The following FTCDNL1 variants were observed in gnomAD, a reference collection of about 807,000 sequenced individuals.
FTCDNL1 encodes formiminotransferase cyclodeaminase N-terminal like.
FTCDNL1 carries 11 observed loss-of-function variants against 5.9 expected under a neutral mutation model. That is an observed-to-expected ratio of 1.87 (90% CI 1.18 to 3.10). FTCDNL1 has a LOEUF of 3.10. Ranked by LOEUF, FTCDNL1 falls within the 30% of genes most tolerant of loss-of-function variation. The pLI, the probability that FTCDNL1 is intolerant of heterozygous loss-of-function variation, is 0.00. For synonymous variants in FTCDNL1, 58 were observed against 24.8 expected, an observed-to-expected ratio of 2.34 and a Z score of -3.99; for missense variants, 115 against 65.5, an observed-to-expected ratio of 1.76 and a Z score of -2.61.
chr2:199,699,008 A>T, the FTCDNL1 span, among the ~76,000 whole-genome samples: 1 of 152,232 alleles, frequency 6.6e-6, no homozygotes, highest in African/African-American at 2.4e-5. Flanking sequence ...CACAAACTAG[A>T]ATACCTAGAA....
intron 3 of FTCDNL1, among the ~76,000 whole-genome samples, chr2:199,803,382 T>A (rs114134904): frequency 4.0e-5 from 6 of 151,870 alleles, no homozygotes; most frequent in Non-Finnish European, 7.4e-5. Flanking sequence ...AAACTAGAGG[T>A]GAAGGCCCAT....
At chr2:199,732,362 G>A in the FTCDNL1 span, among the ~76,000 whole-genome samples, 23 of 152,224 alleles carry the variant, frequency 1.5e-4, 1 homozygote, top group South Asian at 6.2e-4. Flanking sequence ...GGAACTCCCC[G>A]GTTTGTTCAA....
At chr2:199,800,186 C>A (rs772751941) in intron 3 of FTCDNL1, among the ~76,000 whole-genome samples, 3 of 152,126 alleles carry the variant, frequency 2.0e-5, no homozygotes, top group Non-Finnish European at 4.4e-5. Flanking sequence ...ACTCTAGGAA[C>A]TGGAGAGCAA....
intron 3 of FTCDNL1, among the ~76,000 whole-genome samples, chr2:199,843,697 C>T (rs1195626806): frequency 6.6e-6 from 1 of 152,174 alleles, no homozygotes; most frequent in Non-Finnish European, 1.5e-5. Flanking sequence ...TGAGGTCATA[C>T]AGAAAAGAAT....
rs141731852 is a variant in FTCDNL1 at position 199,834,843 on chromosome 2, A to G, written c.211+11232T>C. Among the ~76,000 whole-genome samples, 157 of 152,272 alleles carry G rather than the reference A, an allele frequency of 1.0e-3. 1 individual carries two copies. Among genetic ancestry groups the G allele is most frequent in the African/African-American group, 3.8e-3 (157 of 41,560 alleles). ...CTAATTTCGTTGCTACGTTATATAAACTTTGTGCAATGCTTTCCCAAAGCC... is the reference window on the plus strand; with the variant it reads ...CTAATTTCGTTGCTACGTTATATAAGCTTTGTGCAATGCTTTCCCAAAGCC... On this transcript the variant is annotated intron_variant, in intron 3 of 4. Coordinates refer to ENST00000420128, the MANE Select transcript of FTCDNL1 (RefSeq NM_001363886.2).
At chr2:199,824,834 T>A (rs1308285607) in intron 3 of FTCDNL1, among the ~76,000 whole-genome samples, 1 of 152,110 alleles carries the variant, frequency 6.6e-6, no homozygotes, top group African/African-American at 2.4e-5. Context: ...TGATCGCAGA[T>A]CACCATAAGA....
chr2:199,823,023 G>A (rs1235126289), intron 3 of FTCDNL1, among the ~76,000 whole-genome samples: 1 of 151,996 alleles, frequency 6.6e-6, no homozygotes, highest in Non-Finnish European at 1.5e-5. Context: ...GCTAATTTTT[G>A]TATTTTTAGC....
chr2:199,752,525 C>T, the FTCDNL1 span, among the ~76,000 whole-genome samples: 1 of 152,128 alleles, frequency 6.6e-6, no homozygotes, highest in Non-Finnish European at 1.5e-5. Flanking sequence ...AGTCAAAGGC[C>T]TGAATAGAAC....
chr2:199,711,994 T>G, the FTCDNL1 span, among the ~76,000 whole-genome samples: 1 of 152,118 alleles, frequency 6.6e-6, no homozygotes, highest in African/African-American at 2.4e-5. Flanking sequence ...GACAGTAAGA[T>G]GCCCAATGAT....
At chr2:199,843,112 G>A (rs1014071820) in intron 3 of FTCDNL1, among the ~76,000 whole-genome samples, 3 of 152,102 alleles carry the variant, frequency 2.0e-5, no homozygotes, top group Non-Finnish European at 1.5e-5. Flanking sequence ...CAAATCAAAT[G>A]TTATAAATTA....
At chr2:199,834,165 A>T (rs1053380656) in intron 3 of FTCDNL1, among the ~76,000 whole-genome samples, 1 of 152,104 alleles carries the variant, frequency 6.6e-6, no homozygotes, top group Non-Finnish European at 1.5e-5. Context: ...GGAAATTGGG[A>T]CACAGACAAT....
intron 3 of FTCDNL1, among the ~76,000 whole-genome samples, chr2:199,763,425 C>T (rs891602199): frequency 2.6e-5 from 4 of 152,134 alleles, no homozygotes; most frequent in African/African-American, 9.7e-5. Flanking sequence ...GGATTCCCTG[C>T]CTTAAATATT....
chr2:199,801,549 T>C (rs1040423699), intron 3 of FTCDNL1, among the ~76,000 whole-genome samples: 2 of 152,052 alleles, frequency 1.3e-5, no homozygotes, highest in Non-Finnish European at 2.9e-5. Flanking sequence ...CCACCTACTC[T>C]GGAGGCTGAG....
the FTCDNL1 span, among the ~76,000 whole-genome samples, chr2:199,748,755 A>C: frequency 4.6e-5 from 7 of 152,158 alleles, no homozygotes; most frequent in Non-Finnish European, 8.8e-5. Flanking sequence ...AGGGAAGGGA[A>C]TTTACTAGAA....
chr2:199,726,326 T>G, the FTCDNL1 span, among the ~76,000 whole-genome samples: 3 of 152,344 alleles, frequency 2.0e-5, no homozygotes, highest in East Asian at 5.8e-4. Flanking sequence ...TGCATTGGGT[T>G]AGAATATACC....
At chr2:199,796,213 T>G (rs1407309487) in intron 3 of FTCDNL1, among the ~76,000 whole-genome samples, 1 of 152,232 alleles carries the variant, frequency 6.6e-6, no homozygotes, top group Non-Finnish European at 1.5e-5. Flanking sequence ...AAAAATTTTG[T>G]GCAAGTTTAT....
At chr2:199,700,828 T>C in the FTCDNL1 span, among the ~76,000 whole-genome samples, 1 of 152,064 alleles carries the variant, frequency 6.6e-6, no homozygotes, top group South Asian at 2.1e-4. Context: ...GATAACTGGC[T>C]AGCCAAATGC....
chr2:199,757,277 T>C (rs1162041167), downstream of FTCDNL1, among the ~76,000 whole-genome samples: 1 of 152,074 alleles, frequency 6.6e-6, no homozygotes, highest in Non-Finnish European at 1.5e-5. Flanking sequence ...TCTTTGCTAT[T>C]TTGTGAGAAA....
chr2:199,813,696 A>G (rs952960090), intron 4 of FTCDNL1, among the ~76,000 whole-genome samples: 2 of 152,032 alleles, frequency 1.3e-5, no homozygotes, highest in African/African-American at 4.8e-5. Context: ...GCGGATCACA[A>G]GGTAAGGAGT....
Sources: gnomAD v4.1 joint callset for allele counts (sites outside exome capture counted in the v4.1 genomes callset) on GRCh38, gnomAD v4.1.1 for gene constraint, MANE v1.5 for transcripts, NCBI Gene and HGNC (gene_info 2026-07-23, HGNC 2026-07-21) for gene names.